Variants in MME observed in about 807,000 individuals in gnomAD.
The protein encoded by MME is neprilysin.
Under a neutral mutation model 113.2 loss-of-function variants are expected in MME, and 98 were observed. The observed-to-expected ratio is 0.87, with a 90% CI of 0.74 to 1.02. The LOEUF (loss-of-function observed/expected upper bound fraction) is 1.02, where lower values mean the gene tolerates loss of function less well. MME is among the 50% of genes least tolerant of loss of function. MME has a pLI of 0.00. For synonymous variants in MME, 292 were observed against 300.6 expected (o/e 0.97, Z 0.30); for missense variants, 836 against 896.0 (o/e 0.93, Z 0.86).
intron 17 of MME, among the ~76,000 whole-genome samples, chr3:155,161,021 T>A (rs1722680290): frequency 6.6e-6 from 1 of 151,998 alleles, no homozygotes; most frequent in African/African-American, 2.4e-5. Flanking sequence ...AAAGAAAAAA[T>A]TTCGTAAGTT....
At chr3:155,118,123 A>G (rs1718780762) in intron 7 of MME, among the ~76,000 whole-genome samples, 3 of 152,224 alleles carry the variant, frequency 2.0e-5, no homozygotes, top group Non-Finnish European at 4.4e-5. Flanking sequence ...TCTTCTGAGC[A>G]GAGCAGCTTT....
rs1717805998 is a variant in MME at position 155,107,710 on chromosome 3, T to A, written c.197-7284T>A. ...ATCACTATTTGCAGCTCTCTCACAG[T>A]CATTTACAGACATGCACAGACTGGT... is the stretch of plus-strand genomic sequence containing the variant. On this transcript the variant is annotated intron_variant, in intron 3 of 22. Transcript: ENST00000360490. 3.9e-5 allele frequency among the ~76,000 whole-genome samples: 6 copies of A among 152,346 alleles called. No homozygotes were observed. The South Asian group carries it at 1.2e-3, about 32-fold the overall frequency.
intron 12 of MME, among the ~76,000 whole-genome samples, chr3:155,142,911 A>T (rs1288285776): frequency 3.9e-5 from 6 of 152,180 alleles, no homozygotes; most frequent in Admixed American, 1.3e-4. Flanking sequence ...GACTGATTAA[A>T]ATTTCTAGTT....
chr3:155,125,878 A>G (rs1719611379), intron 8 of MME, among the ~76,000 whole-genome samples: 1 of 152,184 alleles, frequency 6.6e-6, no homozygotes, highest in Non-Finnish European at 1.5e-5. Context: ...ATTATTTTGT[A>G]GCTCAAAAGT....
chr3:155,100,563 T>A (rs1055351542), intron 3 of MME, among the ~76,000 whole-genome samples: 3 of 152,226 alleles, frequency 2.0e-5, no homozygotes, highest in Admixed American at 1.3e-4. Context: ...TGTGATGCAG[T>A]GTACCCACAA....
At chr3:155,107,399 G>A (rs895218548) in intron 3 of MME, among the ~76,000 whole-genome samples, 2 of 151,546 alleles carry the variant, frequency 1.3e-5, no homozygotes, top group Non-Finnish European at 2.9e-5. Flanking sequence ...ATTTTGTCAT[G>A]GCACTGGGGG....
chr3:155,148,071 A>T (rs954030192), intron 15 of MME, among the ~76,000 whole-genome samples: 1 of 152,156 alleles, frequency 6.6e-6, no homozygotes, highest in Non-Finnish European at 1.5e-5. Flanking sequence ...AACTTGGTCG[A>T]GTGACTAAAC....
At chr3:155,153,425 A>T (rs921297570) in intron 16 of MME, among the ~76,000 whole-genome samples, 1 of 152,230 alleles carries the variant, frequency 6.6e-6, no homozygotes, top group Non-Finnish European at 1.5e-5. Context: ...TCATTATAAC[A>T]TAGAAATAGT....
At chr3:155,063,067 T>C (rs1161736317) in intron 1 of MME, among the ~76,000 whole-genome samples, 5 of 144,508 alleles carry the variant, frequency 3.5e-5, no homozygotes, top group Admixed American at 2.8e-4. Flanking sequence ...AAGAACTACG[T>C]CAAAACTAAA....
chr3:155,065,131 C>G (rs1356318520), intron 1 of MME, among the ~76,000 whole-genome samples: 1 of 152,142 alleles, frequency 6.6e-6, no homozygotes, highest in Non-Finnish European at 1.5e-5. Flanking sequence ...ATGAATTTTG[C>G]AAGGACTCTA....
intron 1 of MME, among the ~76,000 whole-genome samples, chr3:155,030,951 A>G (rs1712950014): frequency 6.6e-6 from 1 of 152,210 alleles, no homozygotes; most frequent in Non-Finnish European, 1.5e-5. Flanking sequence ...ATAATTTAAA[A>G]CAAATAAGAC....
chr3:155,138,010 CA>C, intron 8 of MME, 91 bp from the exon 9 acceptor site: 1 of 1,441,862 alleles, frequency 6.9e-7, no homozygotes, highest in Non-Finnish European at 9.7e-7. Flanking sequence ...TATCTATTAC[CA>C]AAAATTAATA....
At chr3:155,125,418 C>A (rs1309054519) in intron 8 of MME, among the ~76,000 whole-genome samples, 5 of 143,090 alleles carry the variant, frequency 3.5e-5, no homozygotes, top group African/African-American at 1.3e-4. Context: ...GGAGCTGTTC[C>A]TATTCGGCCA....
At chr3:155,108,350 C>T (rs1198987374) in intron 3 of MME, among the ~76,000 whole-genome samples, 3 of 152,066 alleles carry the variant, frequency 2.0e-5, no homozygotes, top group African/African-American at 7.2e-5. Flanking sequence ...AATCCCAGCA[C>T]TTTGGGAGGC....
At chr3:155,172,353 G>A in intron 21 of MME, 141 bp downstream of exon 21, 1 of 796,968 alleles carries the variant, frequency 1.3e-6, no homozygotes, top group Non-Finnish European at 2.2e-6. Flanking sequence ...ATAGACTGTT[G>A]GATCATATTA....
chr3:155,164,250 T>C (rs541894230), intron 17 of MME, among the ~76,000 whole-genome samples: 8 of 152,108 alleles, frequency 5.3e-5, no homozygotes, highest in Non-Finnish European at 7.4e-5. Context: ...GCTAGCAGCC[T>C]TCAGAAAATA....
chr3:155,133,393 T>A, intron 8 of MME, among the ~76,000 whole-genome samples: 1 of 151,764 alleles, frequency 6.6e-6, no homozygotes, highest in Non-Finnish European at 1.5e-5. Flanking sequence ...TGATACTATA[T>A]GCTTCCAGTT....
rs775306385 is a variant in MME, at chr3:155,160,401, G to C, written c.1613G>C (p.Gly538Ala). 1 of 1,607,508 alleles carries C rather than the reference G, an allele frequency of 6.2e-7. No individual in the cohort carries two copies. Among genetic ancestry groups the C allele is most frequent in the South Asian group, 1.1e-5 (1 of 90,928 alleles). ...EKVDKDEWIS[G>A]AAVVNAFYSS... ...TATGTTTTCTACAGGTGGATAAGTG[G>C]AGCAGCTGTAGTCAATGCATTTTAC... The change falls in exon 17 of 23, where the codon GGA (glycine) becomes GCA (alanine). Residue 538 changes from glycine (G) to alanine (A), a missense_variant. Gly to Ala is a moderately conservative substitution (Grantham distance 60). Transcript: ENST00000360490.
At chr3:155,077,242 A>T (rs1714778174), upstream of MME, among the ~76,000 whole-genome samples, 1 of 152,174 alleles carries the variant, frequency 6.6e-6, no homozygotes, top group Non-Finnish European at 1.5e-5. Context: ...TAAAGGACTT[A>T]AAAAAATTCA....
Sources: gnomAD v4.1 joint callset for allele counts (sites outside exome capture counted in the v4.1 genomes callset) on GRCh38, gnomAD v4.1.1 for gene constraint, MANE v1.5 for transcripts, NCBI Gene and HGNC (gene_info 2026-07-23, HGNC 2026-07-21) for gene names.